ITGA6: variants seen among roughly 807,000 people sequenced by gnomAD.
The protein encoded by ITGA6 is integrin alpha-6.
A neutral mutation model predicts 133.6 loss-of-function variants in ITGA6; 63 were observed. That is an observed-to-expected ratio of 0.47 (90% CI 0.38 to 0.58). ITGA6 has a LOEUF of 0.58. Among genes scored for constraint, ITGA6 ranks in the 20% least tolerant of loss-of-function variants. ITGA6 has a pLI of 0.00. For synonymous variants in ITGA6, 434 were observed against 482.0 expected, an observed-to-expected ratio of 0.90 and a Z score of 1.30; for missense variants, 1,068 against 1,309.4, an observed-to-expected ratio of 0.82 and a Z score of 2.85.
intron 9 of ITGA6, among the ~76,000 whole-genome samples, chr2:172,478,933 G>A (rs566925203): frequency 6.6e-6 from 1 of 152,166 alleles, no homozygotes; most frequent in Non-Finnish European, 1.5e-5. Context: ...GGTATTAGGT[G>A]TTTGTTGGTG....
rs150954056 is a variant in ITGA6, at chr2:172,487,369, C to T, written c.2076C>T (p.Gly692=). The change falls in exon 15 of 26, where the codon GGC becomes GGT. Residue 692 remains glycine (G), a synonymous_variant. Transcript: ENST00000684293. ...ACCCAAGGAATCCCACAAAAGATGG[C>T]GATGACGCCCATGAGGCTAAACTGA... ...PSNPRNPTKD[G]DDAHEAKLIA... 75 of 1,613,968 alleles carry T rather than the reference C, an allele frequency of 4.6e-5. No individual in the cohort carries two copies. The highest frequency in any genetic ancestry group is 5.4e-5 in the Non-Finnish European group (64 of 1,179,824).
intron 23 of ITGA6, among the ~76,000 whole-genome samples, chr2:172,492,215 C>T (rs1035329126): frequency 6.6e-6 from 1 of 152,194 alleles, no homozygotes; most frequent in African/African-American, 2.4e-5. Context: ...CATCTCGGCA[C>T]CACACTTCTG....
intron 13 of ITGA6, among the ~76,000 whole-genome samples, chr2:172,486,188 A>AAC (rs1686664551): frequency 6.6e-6 from 1 of 150,810 alleles, no homozygotes; most frequent in African/African-American, 2.5e-5. Context: ...AAAAAAAAAA[A>AAC]AAAAAAAAAC....
intron 1 of ITGA6, among the ~76,000 whole-genome samples, chr2:172,430,339 T>C (rs113548945): frequency 6.6e-6 from 1 of 152,358 alleles, no homozygotes; most frequent in South Asian, 2.1e-4. Flanking sequence ...TCTGTGATTC[T>C]AAGATTGCCT....
At position 172,504,402 on chromosome 2, in the gene ITGA6, T is replaced by C; in HGVS notation, c.*334T>C. ...GAACCTACAGTTTTAACTGTGGATA[T>C]TGTTACGTAGCCTAAGGCTCCTGTT... On this transcript the variant is annotated 3_prime_UTR_variant, in exon 26 of 26. Transcript: ENST00000684293. 7.4e-6 allele frequency: 4 copies of C among 538,972 alleles called. No individual in the cohort carries two copies. The highest frequency in any genetic ancestry group is 9.8e-4 in the Middle Eastern group (2 of 2,040). The allele number at this position is 538,972 out of a possible 1,614,324, so 33.4% of individuals were successfully genotyped here. A position where few individuals can be genotyped will look rare whatever the true frequency, so the allele number is the denominator to read the frequency against.
In ITGA6 at chr2:172,474,887, T is replaced by A. The variant is rs375700912; in HGVS notation, c.987-42T>A. ...ACCTAGACTGGTGTTGCTGGTATGTTAGCTGTTGGTTCACGGCTCTTTCCC... is the reference window on the plus strand; with the variant it reads ...ACCTAGACTGGTGTTGCTGGTATGTAAGCTGTTGGTTCACGGCTCTTTCCC... On this transcript the variant is annotated intron_variant, in intron 6 of 25. Transcript: ENST00000684293. 3.5e-4 allele frequency: 336 copies of A among 949,288 alleles called. 2 individuals carry two copies. The highest frequency in any genetic ancestry group is 2.3e-3 in the Middle Eastern group (11 of 4,782). 58.8% of individuals were successfully genotyped at this position (949,288 alleles called of 1,614,324 possible). A position where few individuals can be genotyped will look rare whatever the true frequency, so the allele number is the denominator to read the frequency against.
intron 1 of ITGA6, among the ~76,000 whole-genome samples, chr2:172,437,643 A>T (rs1259497267): frequency 1.3e-5 from 2 of 152,176 alleles, no homozygotes; most frequent in African/African-American, 4.8e-5. Flanking sequence ...TGAGTCAATT[A>T]AAAAAATTGA....
At chr2:172,451,087 G>A (rs1468468208) in intron 1 of ITGA6, among the ~76,000 whole-genome samples, 6 of 150,590 alleles carry the variant, frequency 4.0e-5, no homozygotes, top group East Asian at 2.0e-4. Flanking sequence ...CCTGGGAGGC[G>A]GAGGGTGCCG....
chr2:172,450,860 A>G (rs1684959552), intron 1 of ITGA6, among the ~76,000 whole-genome samples: 1 of 146,492 alleles, frequency 6.8e-6, no homozygotes, highest in Middle Eastern at 3.6e-3. Flanking sequence ...ATGTATTTAT[A>G]TAATATACAA....
chr2:172,469,232 C>T lies in ITGA6; in HGVS notation c.495C>T (p.Asp165=), dbSNP rs369555678. Residue 165 remains aspartate, a synonymous_variant, in exon 4 of 26, where the codon GAC becomes GAT. Coordinates refer to ENST00000684293, the MANE Select transcript of ITGA6 (RefSeq NM_000210.4). ...YVLSQNLRIE[D]DMDGGDWSFC... is the part of the protein sequence containing the mutation. The stretch of plus-strand genomic sequence containing the variant: ...TGAGTCAGAATCTCAGGATTGAAGA[C>T]GATATGGATGGGGGAGATTGGAGCT... 174 of 1,613,890 alleles carry T rather than the reference C, an allele frequency of 1.1e-4. No individual in the cohort carries two copies. Among genetic ancestry groups the T allele is most frequent in the Non-Finnish European group, 1.3e-4 (148 of 1,180,002 alleles).
intron 1 of ITGA6, among the ~76,000 whole-genome samples, chr2:172,435,528 T>C (rs1684279843): frequency 6.6e-6 from 1 of 152,040 alleles, no homozygotes; most frequent in Non-Finnish European, 1.5e-5. Flanking sequence ...AAAAAGGCCA[T>C]TGTTTTCCAA....
At chr2:172,483,168 C>T (rs1686525046) in intron 11 of ITGA6, among the ~76,000 whole-genome samples, 1 of 151,996 alleles carries the variant, frequency 6.6e-6, no homozygotes. Context: ...GAAGGGAGGG[C>T]TTAGCCAAGC....
intron 1 of ITGA6, chr2:172,465,217 G>T: frequency 5.3e-6 from 2 of 380,194 alleles, no homozygotes; most frequent in Non-Finnish European, 4.9e-6. Context: ...GGCATCATAG[G>T]GGCTTAGAGG....
intron 1 of ITGA6, among the ~76,000 whole-genome samples, chr2:172,458,398 C>T (rs1275873727): frequency 6.6e-6 from 1 of 151,928 alleles, no homozygotes; most frequent in Non-Finnish European, 1.5e-5. Flanking sequence ...AGCCACCGCA[C>T]CCGGCCAAGA....
At chr2:172,457,470 A>G (rs985630743) in intron 1 of ITGA6, among the ~76,000 whole-genome samples, 3 of 152,186 alleles carry the variant, frequency 2.0e-5, no homozygotes, top group Non-Finnish European at 2.9e-5. Flanking sequence ...TCAAAGAAAC[A>G]TACAGAGTTT....
In ITGA6 at chr2:172,491,205, T is replaced by C; in HGVS notation, c.2779-16T>C. ...GAACAATGTCTTTTGATGACCATTCTTCTTTTTCTCTCTAGAACTGTAGCG... is the reference window on the plus strand; with the variant it reads ...GAACAATGTCTTTTGATGACCATTCCTCTTTTTCTCTCTAGAACTGTAGCG... On this transcript the variant is annotated splice_polypyrimidine_tract_variant and intron_variant, in intron 21 of 25. Transcript: ENST00000684293. This position sits in a 1 kb window ranked among gnomAD's most constrained non-coding sequence, Gnocchi z 4.4. 1 of 1,562,422 alleles carries C rather than the reference T, an allele frequency of 6.4e-7. No individual in the cohort carries two copies. The highest frequency in any genetic ancestry group is 8.8e-7 in the Non-Finnish European group (1 of 1,133,006).
intron 1 of ITGA6, among the ~76,000 whole-genome samples, chr2:172,439,131 C>CAGG (rs1684438643): frequency 6.6e-6 from 1 of 151,702 alleles, no homozygotes; most frequent in African/African-American, 2.4e-5. Context: ...GCTGAGTGGA[C>CAGG]AGGAGGGCGT....
At position 172,497,985 on chromosome 2, in the gene ITGA6, C is replaced by G. The variant is rs1687198667; in HGVS notation, c.2999C>G (p.Thr1000Ser). The G allele has an allele frequency of 6.2e-7, 1 of 1,613,834 alleles. No homozygotes were observed. Among genetic ancestry groups the G allele is most frequent in the Admixed American group, 1.7e-5 (1 of 59,996 alleles). Residue 1000 changes from threonine to serine, a missense_variant, in exon 24 of 26, where the codon ACT (threonine) becomes AGT (serine). By Grantham distance (58) the Thr-to-Ser change is moderately conservative (BLOSUM62 1). Coordinates refer to ENST00000684293, the MANE Select transcript of ITGA6 (RefSeq NM_000210.4). ...LPNAGTQVRV[T>S]VFPSKTVAQY... ...TTTTCTGCCCTGTAGGTTCGAGTGACTGTGTTTCCCTCAAAGACTGTAGCT... is the reference window on the plus strand; with the variant it reads ...TTTTCTGCCCTGTAGGTTCGAGTGAGTGTGTTTCCCTCAAAGACTGTAGCT...
intron 23 of ITGA6, among the ~76,000 whole-genome samples, chr2:172,496,778 T>C (rs1335429292): frequency 6.6e-6 from 1 of 152,220 alleles, no homozygotes; most frequent in Non-Finnish European, 1.5e-5. Flanking sequence ...TGAAAAATAG[T>C]TCCTGGTATC....
Sources: allele counts gnomAD v4.1 joint callset (sites outside exome capture counted in the v4.1 genomes callset), GRCh38; gene constraint gnomAD v4.1.1; non-coding constraint Gnocchi (gnomAD v3.1); transcripts MANE v1.5; gene names NCBI Gene and HGNC (gene_info 2026-07-23, HGNC 2026-07-21).